Variants in ABCA12 observed in about 807,000 individuals in gnomAD.
ABCA12 encodes glucosylceramide transporter ABCA12.
In ABCA12, 156 loss-of-function variants were observed where a neutral mutation model predicts 293.5. The observed-to-expected ratio is 0.53, with a 90% confidence interval of 0.47 to 0.61. The LOEUF (loss-of-function observed/expected upper bound fraction) is 0.61. Among genes scored for constraint, ABCA12 ranks in the 20% least tolerant of loss-of-function variants. The probability of loss-of-function intolerance (pLI) is 0.00; values close to 1 mark genes in which losing one functional copy is unlikely to be tolerated. For synonymous variants in ABCA12, 1,063 were observed against 1,108.0 expected, an observed-to-expected ratio of 0.96 and a Z score of 0.81; for missense variants, 2,797 against 3,090.2, an observed-to-expected ratio of 0.91 and a Z score of 2.25.
chr2:215,098,738 T>A (rs1281770880), intron 2 of ABCA12, among the ~76,000 whole-genome samples: 2 of 152,206 alleles, frequency 1.3e-5, no homozygotes, highest in Non-Finnish European at 2.9e-5. Flanking sequence ...ACAAATTAAA[T>A]CTTGCTTCAA....
chr2:215,029,853 C>G (rs1700834923), intron 9 of ABCA12, among the ~76,000 whole-genome samples: 1 of 152,050 alleles, frequency 6.6e-6, no homozygotes, highest in Non-Finnish European at 1.5e-5. Context: ...TAAGTACAAA[C>G]ACAAAATGAT....
chr2:214,996,975 GATAAA>G (rs574278515), intron 23 of ABCA12, among the ~76,000 whole-genome samples: 1 of 152,150 alleles, frequency 6.6e-6, no homozygotes, highest in Non-Finnish European at 1.5e-5. Context: ...GGGATAAGTA[GATAAA>G]ATAATTTCTA....
chr2:215,134,068 A>G (rs972567220), intron 1 of ABCA12, among the ~76,000 whole-genome samples: 2 of 151,940 alleles, frequency 1.3e-5, no homozygotes, highest in Non-Finnish European at 2.9e-5. Context: ...AAAAAAAGAG[A>G]GAGACATTTA....
chr2:214,989,636 A>T lies in ABCA12; in HGVS notation c.3625-15T>A. The T allele has an allele frequency of 1.2e-6, 2 of 1,613,456 alleles. No individual in the cohort carries two copies. Among genetic ancestry groups the T allele is most frequent in the South Asian group, 1.1e-5 (1 of 91,012 alleles). On this transcript the variant is annotated splice_polypyrimidine_tract_variant and intron_variant, in intron 24 of 52. Coordinates refer to ENST00000272895, the MANE Select transcript of ABCA12 (RefSeq NM_173076.3). The stretch of plus-strand genomic sequence containing the variant: ...GACAGCAGGCTCTGTGAAGAAAGGA[A>T]ACGGCAATGATAGTTCTTGTAGATT...
At chr2:214,956,521 G>A in intron 42 of ABCA12, 142 bp downstream of exon 42, 1 of 638,628 alleles carries the variant, frequency 1.6e-6, no homozygotes, top group African/African-American at 1.8e-5. Flanking sequence ...GGACTAGCAA[G>A]TGCAATGTGT....
At chr2:215,063,403 G>C (rs1335680418) in intron 3 of ABCA12, among the ~76,000 whole-genome samples, 1 of 151,960 alleles carries the variant, frequency 6.6e-6, no homozygotes, top group Non-Finnish European at 1.5e-5. Flanking sequence ...ATTGTTTTCA[G>C]TTCTGAAGAC....
intron 2 of ABCA12, among the ~76,000 whole-genome samples, chr2:215,076,329 G>A (rs1701832446): frequency 6.6e-6 from 1 of 151,990 alleles, no homozygotes; most frequent in African/African-American, 2.4e-5. Flanking sequence ...AAAATTCCCT[G>A]GTGGTATGTT....
intron 1 of ABCA12, among the ~76,000 whole-genome samples, chr2:215,134,270 A>G (rs1183166412): frequency 6.8e-6 from 1 of 145,988 alleles, no homozygotes; most frequent in Non-Finnish European, 1.5e-5. Context: ...GTACATATAT[A>G]CGTATATGTG....
At chr2:215,038,024 C>T (rs560465834) in intron 7 of ABCA12, among the ~76,000 whole-genome samples, 3 of 152,124 alleles carry the variant, frequency 2.0e-5, no homozygotes, top group Admixed American at 6.5e-5. Context: ...TGTACACTTT[C>T]ATGGCATTCT....
intron 7 of ABCA12, 26 bp from the exon 8 acceptor site, chr2:215,037,091 C>T (rs776075217): frequency 6.3e-7 from 1 of 1,589,524 alleles, no homozygotes; most frequent in Non-Finnish European, 8.6e-7. Flanking sequence ...GCAATTAAAC[C>T]AGATTCTGTT....
intron 23 of ABCA12, among the ~76,000 whole-genome samples, chr2:214,993,429 G>A (rs531310449): frequency 8.5e-5 from 13 of 152,268 alleles, no homozygotes; most frequent in African/African-American, 2.6e-4. Flanking sequence ...AATTCTTTGC[G>A]TGTACCCTAC....
intron 11 of ABCA12, chr2:215,025,470 T>G: frequency 1.9e-6 from 1 of 515,922 alleles, no homozygotes; most frequent in East Asian, 3.5e-5. Flanking sequence ...CATAAACTCT[T>G]TTGTCACCAT....
intron 21 of ABCA12, among the ~76,000 whole-genome samples, chr2:215,001,237 A>C (rs915595124): frequency 6.6e-6 from 1 of 152,224 alleles, no homozygotes; most frequent in African/African-American, 2.4e-5. Flanking sequence ...AACTAAGTAG[A>C]CAGATTAAAT....
chr2:214,978,421 T>TCATA lies in ABCA12; in HGVS notation c.5019_5022dup (p.Ser1675TyrfsTer4), dbSNP rs756764160. The TCATA allele has an allele frequency of 1.2e-6, 2 of 1,613,800 alleles. No homozygotes were observed. Among genetic ancestry groups the TCATA allele is most frequent in the Admixed American group, 3.3e-5 (2 of 59,988 alleles). ...TTCTTTTGTGTTAAGTGCTCAAGAC[T>TCATA]CATAGCACTATTTTTTTGTGACTCT... On this transcript the variant is annotated frameshift_variant, in exon 33 of 53. Coordinates refer to ENST00000272895, the MANE Select transcript of ABCA12 (RefSeq NM_173076.3). LOFTEE classifies it high-confidence loss of function.
At chr2:214,983,995 A>G in intron 28 of ABCA12, 130 bp from the exon 29 acceptor site, 1 of 713,500 alleles carries the variant, frequency 1.4e-6, no homozygotes, top group Non-Finnish European at 2.3e-6. Flanking sequence ...ACTATGAAAT[A>G]AAATGGTATT....
In ABCA12 at chr2:214,987,705, C is replaced by G. The variant is rs370828016; in HGVS notation, c.3918G>C (p.Glu1306Asp). Residue 1306 changes from glutamate to aspartate, a missense_variant, in exon 27 of 53, where the codon GAG (glutamate) becomes GAC (aspartate). Around this residue, in one of 3 missense-constraint regions of ABCA12, gnomAD observed 2,130 missense variants for 2,427.0 expected, o/e 0.88. Transcript: ENST00000272895. The part of the protein sequence containing the change: ...ERFGCAEVKP[E>D]KSNGLMFTNI... Reference sequence around the variant, plus strand: ...TAGTAAACATGAGGCCATTGCTCTTCTCAGGCTTCACCTCTGCACACCCAA... The same window carrying G: ...TAGTAAACATGAGGCCATTGCTCTTGTCAGGCTTCACCTCTGCACACCCAA... 1.7e-5 allele frequency: 28 copies of G among 1,613,958 alleles called. No homozygotes were observed. The highest frequency in any genetic ancestry group is 8.3e-5 in the Admixed American group (5 of 60,006).
intron 2 of ABCA12, among the ~76,000 whole-genome samples, chr2:215,100,037 A>T (rs1702325079): frequency 1.3e-5 from 2 of 150,164 alleles, no homozygotes; most frequent in Non-Finnish European, 3.0e-5. Context: ...TTTAAGAAAC[A>T]GGGTCTTACT....
chr2:215,125,376 G>T (rs1402682428), intron 1 of ABCA12, among the ~76,000 whole-genome samples: 1 of 152,110 alleles, frequency 6.6e-6, no homozygotes, highest in Non-Finnish European at 1.5e-5. Flanking sequence ...TGAATTTGTA[G>T]ATTGCTTTTG....
At chr2:215,092,436 C>G (rs570139904) in intron 2 of ABCA12, among the ~76,000 whole-genome samples, 1 of 152,220 alleles carries the variant, frequency 6.6e-6, no homozygotes, top group South Asian at 2.1e-4. Context: ...AACCCAAAGC[C>G]TCCTTCGTGT....
Sources: allele counts gnomAD v4.1 joint callset (sites outside exome capture counted in the v4.1 genomes callset), GRCh38; gene constraint gnomAD v4.1.1; regional missense constraint gnomAD v4.1.1; transcripts MANE v1.5; gene names NCBI Gene and HGNC (gene_info 2026-07-23, HGNC 2026-07-21).